Variants in EDNRB observed in about 807,000 individuals in gnomAD.
EDNRB encodes the protein Hirschsprung disease 2.
EDNRB carries 18 observed loss-of-function variants against 46.4 expected under a neutral mutation model. The observed-to-expected ratio is 0.39, with a 90% confidence interval of 0.27 to 0.57. The LOEUF is 0.57. Ranked by LOEUF, EDNRB falls within the 20% of genes least tolerant of loss-of-function variation. The pLI is 0.61. For missense variants in EDNRB, 434 were observed against 537.5 expected (o/e 0.81, Z 1.90); for synonymous variants, 213 against 204.9 (o/e 1.04, Z -0.34).
chr13:77,918,672 C>T lies in EDNRB; in HGVS notation c.-99G>A. 1 of 1,446,572 alleles carries T rather than the reference C, an allele frequency of 6.9e-7. No individual in the cohort carries two copies. The highest frequency in any genetic ancestry group is 9.0e-7 in the Non-Finnish European group (1 of 1,107,416). The allele number at this position is 1,446,572 out of a possible 1,614,324, so 89.6% of individuals were successfully genotyped here. On this transcript the variant is annotated 5_prime_UTR_variant, in exon 1 of 7. Transcript: ENST00000646607. This position sits in a 1 kb window ranked among gnomAD's most constrained non-coding sequence, Gnocchi z 4.5. ...AGACAGGACACTTGGGTCAGCTGCCCGAGCCAAGTCGCTGCAAACGCTAAT... is the reference window on the plus strand; with the variant it reads ...AGACAGGACACTTGGGTCAGCTGCCTGAGCCAAGTCGCTGCAAACGCTAAT...
chr13:77,946,894 C>T (rs187572690), intron 1 of EDNRB, among the ~76,000 whole-genome samples: 1 of 152,246 alleles, frequency 6.6e-6, no homozygotes, highest in Non-Finnish European at 1.5e-5. Flanking sequence ...GATTTATTTC[C>T]ACACTTCCAA....
chr13:77,954,097 A>C (rs2137676986), intron 1 of EDNRB, among the ~76,000 whole-genome samples: 1 of 152,258 alleles, frequency 6.6e-6, no homozygotes, highest in African/African-American at 2.4e-5. Context: ...TTGCAATTCC[A>C]ACATTGCATC....
chr13:77,960,740 T>A (rs1472059185), intron 1 of EDNRB, among the ~76,000 whole-genome samples: 2 of 151,756 alleles, frequency 1.3e-5, no homozygotes, highest in African/African-American at 4.8e-5. Context: ...AGACACAGAC[T>A]GGCAAATTCA....
intron 1 of EDNRB, among the ~76,000 whole-genome samples, chr13:77,935,692 C>A (rs1880540658): frequency 6.6e-6 from 1 of 152,186 alleles, no homozygotes; most frequent in Admixed American, 6.5e-5. Context: ...GTCTGTGAAG[C>A]CTTGCGGCAG....
intron 1 of EDNRB, among the ~76,000 whole-genome samples, chr13:77,974,617 T>TCTCTCTCTCCTCTCTGC (rs1881831059): frequency 1.8e-4 from 2 of 11,040 alleles, no homozygotes; most frequent in Non-Finnish European, 5.4e-4. Context: ...CCTCTCTGCC[T>TCTCTCTCTCCTCTCTGC]CTCTCTCTCT....
At chr13:77,922,020 A>G (rs1880099546), upstream of EDNRB, among the ~76,000 whole-genome samples, 1 of 152,122 alleles carries the variant, frequency 6.6e-6, no homozygotes, top group Non-Finnish European at 1.5e-5. Flanking sequence ...ACTAGCAACT[A>G]ACTACTATGT....
chr13:77,927,699 T>G (rs1196578538), intron 1 of EDNRB, among the ~76,000 whole-genome samples: 1 of 152,224 alleles, frequency 6.6e-6, no homozygotes, highest in African/African-American at 2.4e-5. Context: ...CTTTATCCAT[T>G]CATTAATCTA....
chr13:77,935,697 C>T (rs561020600), intron 1 of EDNRB, among the ~76,000 whole-genome samples: 16 of 152,196 alleles, frequency 1.1e-4, no homozygotes, highest in South Asian at 8.3e-4. Flanking sequence ...TGAAGCCTTG[C>T]GGCAGTACAG....
intron 5 of EDNRB, among the ~76,000 whole-genome samples, chr13:77,900,317 A>G (rs1878887042): frequency 6.6e-6 from 1 of 151,808 alleles, no homozygotes; most frequent in South Asian, 2.1e-4. Flanking sequence ...TCATCTTGAC[A>G]ACTCTGACTC....
chr13:77,916,610 T>A (rs1425520190), intron 1 of EDNRB, among the ~76,000 whole-genome samples: 1 of 152,092 alleles, frequency 6.6e-6, no homozygotes, highest in Non-Finnish European at 1.5e-5. Context: ...AGCTATTGGG[T>A]TAGGATTTTT....
intron 1 of EDNRB, among the ~76,000 whole-genome samples, chr13:77,948,952 T>C (rs1881011150): frequency 1.3e-5 from 2 of 152,234 alleles, no homozygotes; most frequent in South Asian, 4.1e-4. Flanking sequence ...TTCACACATT[T>C]ATTTGGAAAA....
rs1879893002 is a variant in EDNRB, at chr13:77,917,977, C to G, written c.483+114G>C. On this transcript the variant is annotated intron_variant, in intron 1 of 6. Coordinates refer to ENST00000646607, the MANE Select transcript of EDNRB (RefSeq NM_001122659.3). The stretch of plus-strand genomic sequence containing the variant: ...AAAGATTACTGACTTTTAGGAGGGG[C>G]AGAACCTTAAGAGGGAGCTAAAGGG... 3 of 1,523,422 alleles carry G rather than the reference C, an allele frequency of 2.0e-6. No individual in the cohort carries two copies. In the African/African-American group the frequency reaches 4.1e-5, roughly 21 times the overall value. 94.4% of individuals were successfully genotyped at this position (1,523,422 alleles called of 1,614,324 possible).
chr13:77,903,299 C>T lies in EDNRB; in HGVS notation c.658G>A (p.Val220Ile), dbSNP rs1879098377. ...ACCACCCAAATCAAAACAATTTCTA[C>T]TGCTGTCCATTTTGGAACCCCAATT... is the stretch of plus-strand genomic sequence containing the variant. ...KGIGVPKWTA[V>I]EIVLIWVVSV... Residue 220 changes from valine to isoleucine, a missense_variant, in exon 3 of 7, where the codon GTA becomes ATA. Physicochemically the swap from Val to Ile is conservative, Grantham distance 29. Transcript: ENST00000646607. 1 of 1,612,876 alleles carries T rather than the reference C, an allele frequency of 6.2e-7. No homozygotes were observed. The highest frequency in any genetic ancestry group is 8.5e-7 in the Non-Finnish European group (1 of 1,179,372).
At chr13:77,954,588 T>C (rs1418608782) in intron 1 of EDNRB, among the ~76,000 whole-genome samples, 1 of 151,962 alleles carries the variant, frequency 6.6e-6, no homozygotes, top group Admixed American at 6.6e-5. Context: ...CTCGGCTCAC[T>C]GCCATCTTCA....
Position 77,897,327 on chromosome 13 carries a change from C to G in EDNRB, c.*873G>C, listed in dbSNP as rs1274134388. The G allele has an allele frequency of 2.2e-5, 22 of 985,176 alleles. No individual in the cohort carries two copies. Among genetic ancestry groups the G allele is most frequent in the Non-Finnish European group, 2.7e-5 (22 of 829,868 alleles). The allele number at this position is 985,176 out of a possible 1,614,324, so 61.0% of individuals were successfully genotyped here. A position where few individuals can be genotyped will look rare whatever the true frequency, so the allele number is the denominator to read the frequency against. On this transcript the variant is annotated 3_prime_UTR_variant, in exon 7 of 7. Coordinates refer to ENST00000646607, the MANE Select transcript of EDNRB (RefSeq NM_001122659.3). Reference sequence around the variant, plus strand: ...GTGAAAGAAGAAGATTTTAATAATCCTGAAAAAATTGTAGATAGTATTGTC... The same window carrying G: ...GTGAAAGAAGAAGATTTTAATAATCGTGAAAAAATTGTAGATAGTATTGTC...
intron 1 of EDNRB, among the ~76,000 whole-genome samples, chr13:77,928,012 T>A (rs1880287536): frequency 6.6e-6 from 1 of 152,194 alleles, no homozygotes; most frequent in Admixed American, 6.5e-5. Context: ...ACTTTGCTCC[T>A]CCTTTGCCTT....
chr13:77,950,535 TA>T (rs1000181776), intron 1 of EDNRB, among the ~76,000 whole-genome samples: 6 of 152,200 alleles, frequency 3.9e-5, no homozygotes, highest in African/African-American at 7.2e-5. Context: ...ACTGGGGCAG[TA>T]GGGGGTTGCA....
upstream of EDNRB, among the ~76,000 whole-genome samples, chr13:77,924,373 C>T (rs893570317): frequency 6.6e-6 from 1 of 152,128 alleles, no homozygotes; most frequent in Non-Finnish European, 1.5e-5. Context: ...ATGGGAAATG[C>T]ACAGGCGACT....
At chr13:77,935,093 G>A (rs1302210844) in intron 1 of EDNRB, among the ~76,000 whole-genome samples, 3 of 152,174 alleles carry the variant, frequency 2.0e-5, no homozygotes, top group African/African-American at 7.2e-5. Context: ...AAGTATATGT[G>A]TCAGGTGTGA....
Sources: gnomAD v4.1 joint callset for allele counts (sites outside exome capture counted in the v4.1 genomes callset) on GRCh38, gnomAD v4.1.1 for gene constraint, Gnocchi (gnomAD v3.1) non-coding constraint, MANE v1.5 for transcripts, NCBI Gene and HGNC (gene_info 2026-07-23, HGNC 2026-07-21) for gene names.